RANBP2: variants seen among roughly 807,000 people sequenced by gnomAD.
RANBP2 encodes RAN binding protein 2.
In RANBP2, 57 loss-of-function variants were observed where a neutral mutation model predicts 303.6. The observed-to-expected ratio is 0.19, with a 90% confidence interval of 0.15 to 0.23. The LOEUF is 0.23. Among genes scored for constraint, RANBP2 ranks in the 10% least tolerant of loss-of-function variants. RANBP2 has a pLI of 1.00. For missense variants in RANBP2, 3,138 were observed against 3,780.8 expected (o/e 0.83, Z 4.46); for synonymous variants, 1,167 against 1,301.5 (o/e 0.90, Z 2.23).
At chr2:108,773,661 G>C (rs1056538868) in intron 23 of RANBP2, among the ~76,000 whole-genome samples, 3 of 142,728 alleles carry the variant, frequency 2.1e-5, no homozygotes, top group African/African-American at 7.7e-5. Context: ...TTTTTTTTTT[G>C]GGGGGGGATG....
chr2:109,600,515 AT>A, the RANBP2 span, among the ~76,000 whole-genome samples: 1 of 150,872 alleles, frequency 6.6e-6, no homozygotes, highest in Admixed American at 6.6e-5. Flanking sequence ...ACCTGCTTAT[AT>A]TTCTAATATT....
chr2:109,371,592 A>C, the RANBP2 span: 2 of 1,613,794 alleles, frequency 1.2e-6, no homozygotes, highest in Non-Finnish European at 1.7e-6. Flanking sequence ...GCAGGACGAG[A>C]TTCTGACGGT....
the RANBP2 span, among the ~76,000 whole-genome samples, chr2:109,066,072 G>T: frequency 2.0e-5 from 3 of 151,846 alleles, no homozygotes; most frequent in African/African-American, 7.2e-5. Flanking sequence ...CGAGTAGCTG[G>T]GATTACAGGC....
chr2:109,233,595 G>A, the RANBP2 span, among the ~76,000 whole-genome samples: 2 of 152,202 alleles, frequency 1.3e-5, no homozygotes, highest in Non-Finnish European at 2.9e-5. Context: ...TGGTGTCCAG[G>A]CTTGAGGGTG....
At chr2:109,113,242 G>A in the RANBP2 span, among the ~76,000 whole-genome samples, 5 of 151,758 alleles carry the variant, frequency 3.3e-5, no homozygotes, top group African/African-American at 1.2e-4. Flanking sequence ...CCATTTTCAC[G>A]ATATTGATTC....
the RANBP2 span, among the ~76,000 whole-genome samples, chr2:109,186,969 A>G: frequency 2.6e-5 from 4 of 152,062 alleles, no homozygotes; most frequent in African/African-American, 4.8e-5. Flanking sequence ...TGCCTCCCCA[A>G]CCTGTGCCCC....
At chr2:109,141,286 G>A in the RANBP2 span, among the ~76,000 whole-genome samples, 5 of 152,206 alleles carry the variant, frequency 3.3e-5, no homozygotes, top group South Asian at 8.3e-4. Flanking sequence ...GGCAACCAGT[G>A]CTCTGTCGGC....
At chr2:108,863,900 T>G in the RANBP2 span, among the ~76,000 whole-genome samples, 1 of 152,236 alleles carries the variant, frequency 6.6e-6, no homozygotes, top group Admixed American at 6.5e-5. Flanking sequence ...GCCATATATT[T>G]GCTACTGGTC....
the RANBP2 span, among the ~76,000 whole-genome samples, chr2:109,227,575 A>G: frequency 1.3e-5 from 2 of 151,938 alleles, no homozygotes; most frequent in Non-Finnish European, 2.9e-5. Context: ...TCTCTGGGAG[A>G]TCCCTGGCTC....
chr2:108,874,625 C>T, the RANBP2 span, among the ~76,000 whole-genome samples: 4 of 152,100 alleles, frequency 2.6e-5, no homozygotes, highest in Non-Finnish European at 4.4e-5. Context: ...GTAGTAAATG[C>T]AATGCATCTT....
At chr2:109,486,808 G>A in the RANBP2 span, among the ~76,000 whole-genome samples, 11 of 152,334 alleles carry the variant, frequency 7.2e-5, no homozygotes, top group African/African-American at 1.9e-4. Flanking sequence ...CCAGCAGGGC[G>A]ACAGCAGCCC....
At chr2:108,868,640 G>A in the RANBP2 span, among the ~76,000 whole-genome samples, 1 of 152,132 alleles carries the variant, frequency 6.6e-6, no homozygotes, top group Non-Finnish European at 1.5e-5. Flanking sequence ...CTAGAAATCT[G>A]CTGAGAGTTT....
the RANBP2 span, among the ~76,000 whole-genome samples, chr2:109,331,988 G>A: frequency 6.6e-6 from 1 of 152,302 alleles, no homozygotes; most frequent in South Asian, 2.1e-4. Context: ...TCTGTGACTA[G>A]TCGTGGATGC....
At chr2:109,766,282 AG>A in the RANBP2 span, among the ~76,000 whole-genome samples, 1 of 151,088 alleles carries the variant, frequency 6.6e-6, no homozygotes, top group African/African-American at 2.4e-5. Flanking sequence ...TGGAGGAGGC[AG>A]GGGGCCTCGA....
chr2:109,348,980 C>T, the RANBP2 span, among the ~76,000 whole-genome samples: 1 of 152,218 alleles, frequency 6.6e-6, no homozygotes, highest in Non-Finnish European at 1.5e-5. Flanking sequence ...TCTCTCTCCT[C>T]ACTCGTTCTG....
At chr2:108,729,059 T>G (rs1694963919) in intron 1 of RANBP2, 73 bp from the exon 2 acceptor site, 2 of 1,495,366 alleles carry the variant, frequency 1.3e-6, no homozygotes, top group Admixed American at 3.8e-5. Context: ...TTAGGACAGA[T>G]TTTTACTACT....
At chr2:109,340,246 A>G in the RANBP2 span, among the ~76,000 whole-genome samples, 4 of 152,148 alleles carry the variant, frequency 2.6e-5, no homozygotes, top group East Asian at 7.7e-4. Context: ...CCAATTTCCT[A>G]TCGGTAAAGT....
chr2:109,129,352 TCCCCGCCACGCAGGCCGG>T, the RANBP2 span: 4 of 871,120 alleles, frequency 4.6e-6, no homozygotes, highest in African/African-American at 7.1e-5. Flanking sequence ...CGCAGGCCGG[TCCCCGCCACGCAGGCCGG>T]TCGGTGAGCC....
At chr2:108,961,737 T>A in the RANBP2 span, among the ~76,000 whole-genome samples, 11 of 152,094 alleles carry the variant, frequency 7.2e-5, no homozygotes, top group African/African-American at 2.7e-4. Flanking sequence ...CTGGGGAGGC[T>A]TCCTGGAAGA....
Sources: allele counts gnomAD v4.1 joint callset (sites outside exome capture counted in the v4.1 genomes callset), GRCh38; gene constraint gnomAD v4.1.1; transcripts MANE v1.5; gene names NCBI Gene and HGNC (gene_info 2026-07-23, HGNC 2026-07-21).